Variants in PARP8 observed in about 807,000 individuals in gnomAD.
The protein encoded by PARP8 is poly(ADP-ribose) polymerase family member 8.
Under a neutral mutation model 124.1 loss-of-function variants are expected in PARP8, and 51 were observed. The ratio of observed to expected loss-of-function variants is 0.41; its 90% CI spans 0.33 to 0.52. The LOEUF is 0.52. PARP8 is among the 20% of genes least tolerant of loss of function. The pLI is 0.21. For synonymous variants in PARP8, 391 were observed against 361.5 expected, an observed-to-expected ratio of 1.08 and a Z score of -0.93; for missense variants, 860 against 1,018.9, an observed-to-expected ratio of 0.84 and a Z score of 2.12.
At chr5:50,794,498 G>T (rs539265574) in intron 11 of PARP8, among the ~76,000 whole-genome samples, 166 bp downstream of exon 11, 1 of 152,218 alleles carries the variant, frequency 6.6e-6, no homozygotes, top group Non-Finnish European at 1.5e-5. Flanking sequence ...TCATTTCTAT[G>T]TTTAGAGTTT....
chr5:50,667,806 G>GC, intron 1 of PARP8: 1 of 1,021,302 alleles, frequency 9.8e-7, no homozygotes, highest in South Asian at 1.4e-5. Context: ...CCCGGCTGAG[G>GC]CTGCTTCCGG....
chr5:50,698,659 C>T (rs533299835), intron 2 of PARP8, among the ~76,000 whole-genome samples: 1 of 152,202 alleles, frequency 6.6e-6, no homozygotes, highest in East Asian at 1.9e-4. Flanking sequence ...AGTCTTTTAT[C>T]CTGATGAGAT....
At chr5:50,817,901 T>C (rs1167440066) in intron 15 of PARP8, among the ~76,000 whole-genome samples, 1 of 152,178 alleles carries the variant, frequency 6.6e-6, no homozygotes. Flanking sequence ...GGTAATGTAA[T>C]GTCCTTTGGA....
chr5:50,811,957 A>G lies in PARP8; in HGVS notation c.1576-3475A>G, dbSNP rs530618520. Among the ~76,000 whole-genome samples the G allele has an allele frequency of 6.1e-4, 93 of 152,280 alleles. 1 individual carries two copies. The South Asian group carries it at 0.019, about 31-fold the overall frequency. On this transcript the variant is annotated intron_variant, in intron 14 of 25. Transcript: ENST00000281631. ...GGCTGCATAGTATTCCATGGTGTATATGTGTCACGTTTTCTTAATCCAGTC... is the reference window on the plus strand; with the variant it reads ...GGCTGCATAGTATTCCATGGTGTATGTGTGTCACGTTTTCTTAATCCAGTC...
Position 50,843,421 on chromosome 5 carries a change from T to C in PARP8, c.*1353T>C, listed in dbSNP as rs1409907153. 4.0e-5 allele frequency: 6 copies of C among 151,804 alleles called. No homozygotes were observed. The highest frequency in any genetic ancestry group is 5.9e-5 in the Non-Finnish European group (4 of 67,836). 9.4% of individuals were successfully genotyped at this position (151,804 alleles called of 1,614,324 possible). A position where few individuals can be genotyped will look rare whatever the true frequency, so the allele number is the denominator to read the frequency against. On this transcript the variant is annotated 3_prime_UTR_variant, in exon 26 of 26. Coordinates refer to ENST00000281631, the MANE Select transcript of PARP8 (RefSeq NM_024615.4). ...TCATTTGCAAGTATAATGTGATAAC[T>C]GCTGTGTTTATTTCCTTTGTCTGGC... is the stretch of plus-strand genomic sequence containing the variant.
At chr5:50,754,773 T>A (rs1188498630) in intron 3 of PARP8, among the ~76,000 whole-genome samples, 1 of 152,328 alleles carries the variant, frequency 6.6e-6, no homozygotes, top group Non-Finnish European at 1.5e-5. Flanking sequence ...TCTTCCACAA[T>A]GGTTGAACTA....
At chr5:50,737,406 G>A (rs1453978626) in intron 2 of PARP8, among the ~76,000 whole-genome samples, 1 of 151,246 alleles carries the variant, frequency 6.6e-6, no homozygotes, top group Non-Finnish European at 1.5e-5. Flanking sequence ...TTTGCCATGA[G>A]AATAAGGGTA....
At chr5:50,753,635 G>A (rs1053122502) in intron 3 of PARP8, among the ~76,000 whole-genome samples, 10 of 152,088 alleles carry the variant, frequency 6.6e-5, no homozygotes, top group East Asian at 1.9e-4. Context: ...ATTTCTCTGA[G>A]CCTTAGTTTC....
intron 15 of PARP8, among the ~76,000 whole-genome samples, chr5:50,817,389 C>CA (rs1745221493): frequency 6.6e-6 from 1 of 152,124 alleles, no homozygotes; most frequent in Non-Finnish European, 1.5e-5. Context: ...ACAGGTTCCC[C>CA]AGTATTCTGT....
intron 7 of PARP8, among the ~76,000 whole-genome samples, chr5:50,770,633 G>C (rs1340041631): frequency 1.3e-5 from 2 of 151,286 alleles, no homozygotes; most frequent in Non-Finnish European, 2.9e-5. Flanking sequence ...AGGAGGGAGG[G>C]AGGGAGTAAG....
chr5:50,819,961 G>T (rs1745576686), intron 15 of PARP8, among the ~76,000 whole-genome samples: 2 of 152,120 alleles, frequency 1.3e-5, no homozygotes, highest in Non-Finnish European at 2.9e-5. Context: ...CTATATATAT[G>T]TATGCATGTA....
At chr5:50,750,232 C>T in intron 3 of PARP8, 44 bp downstream of exon 3, 1 of 1,480,486 alleles carries the variant, frequency 6.8e-7, no homozygotes, top group East Asian at 2.3e-5. Context: ...ATCAGGGTTC[C>T]TTTGAATATT....
At chr5:50,770,997 A>G (rs1761568030) in intron 7 of PARP8, among the ~76,000 whole-genome samples, 1 of 152,024 alleles carries the variant, frequency 6.6e-6, no homozygotes, top group Admixed American at 6.6e-5. Context: ...GTTTTTAAAA[A>G]TTAATTCCTA....
rs546827667 is a variant in PARP8, at chr5:50,678,020, G to A, written c.146+9895G>A. 9.9e-5 allele frequency among the ~76,000 whole-genome samples: 15 copies of A among 151,948 alleles called. No individual in the cohort carries two copies. The East Asian group carries it at 2.9e-3, about 29-fold the overall frequency. On this transcript the variant is annotated intron_variant, in intron 2 of 25. Transcript: ENST00000281631. ...ATTTTTATTCAGTAAAAGTGCCTTG[G>A]CACAGAACTAAAATTGATAACTTAT...
At position 50,842,106 on chromosome 5, in the gene PARP8, C is replaced by A. The variant is rs761127767; in HGVS notation, c.*38C>A. ...TAATTAACATGATTCGAAAGCCTTC[C>A]TCGGGTTCAAAGCTGGATTTTGAAC... On this transcript the variant is annotated 3_prime_UTR_variant, in exon 26 of 26. Transcript: ENST00000281631. The A allele has an allele frequency of 3.1e-5, 44 of 1,427,452 alleles. No individual in the cohort carries two copies. The highest frequency in any genetic ancestry group is 4.3e-5 in the Non-Finnish European group (44 of 1,024,630). 88.4% of individuals were successfully genotyped at this position (1,427,452 alleles called of 1,614,324 possible).
At position 50,667,596 on chromosome 5, in the gene PARP8, G is replaced by C. The variant is rs1326631952; in HGVS notation, c.91+410G>C. 4 of 699,136 alleles carry C rather than the reference G, an allele frequency of 5.7e-6. No individual in the cohort carries two copies. In the African/African-American group the frequency reaches 7.0e-5, roughly 12 times the overall value. The allele number at this position is 699,136 out of a possible 1,614,324, so 43.3% of individuals were successfully genotyped here. The stretch of plus-strand genomic sequence containing the variant: ...GGAATGGAGCCTGCTGCGCTGCGCT[G>C]CGCTTGTAAGCTGCGCCCGGCGCCG... On this transcript the variant is annotated intron_variant, in intron 1 of 25. Transcript: ENST00000281631.
At chr5:50,776,669 T>C (rs182138482) in intron 7 of PARP8, among the ~76,000 whole-genome samples, 2 of 152,332 alleles carry the variant, frequency 1.3e-5, no homozygotes, top group African/African-American at 4.8e-5. Flanking sequence ...TATTCTAATA[T>C]GCTTTGGTTT....
intron 9 of PARP8, among the ~76,000 whole-genome samples, chr5:50,779,665 A>G (rs1740447564): frequency 6.6e-6 from 1 of 152,200 alleles, no homozygotes; most frequent in Non-Finnish European, 1.5e-5. Context: ...TGAAGAGCCC[A>G]CCCAGAATCA....
At chr5:50,680,888 T>C (rs1444082599) in intron 2 of PARP8, among the ~76,000 whole-genome samples, 1 of 152,170 alleles carries the variant, frequency 6.6e-6, no homozygotes, top group East Asian at 1.9e-4. Flanking sequence ...ATAAAATCGA[T>C]GCACTGTTAT....
Sources: gnomAD v4.1 joint callset for allele counts (sites outside exome capture counted in the v4.1 genomes callset) on GRCh38, gnomAD v4.1.1 for gene constraint, MANE v1.5 for transcripts, NCBI Gene and HGNC (gene_info 2026-07-23, HGNC 2026-07-21) for gene names.